ARHGAP6: variants seen among roughly 807,000 people sequenced by gnomAD.
ARHGAP6 encodes Rho GTPase activating protein 6, also known as rho GTPase-activating protein 6.
A neutral mutation model predicts 55.7 loss-of-function variants in ARHGAP6; 16 were observed. The observed-to-expected ratio is 0.29, with a 90% CI of 0.19 to 0.44. The LOEUF (loss-of-function observed/expected upper bound fraction) is 0.44. ARHGAP6 is among the 20% of genes least tolerant of loss of function. The pLI is 1.00. For synonymous variants in ARHGAP6, 382 were observed against 360.9 expected (o/e 1.06, Z -0.66); for missense variants, 698 against 808.9 (o/e 0.86, Z 1.66).
chrX:11,642,249 T>C (rs1283214847), intron 1 of ARHGAP6, among the ~76,000 whole-genome samples: 1 of 111,881 alleles, frequency 8.9e-6, no homozygotes, highest in Admixed American at 9.5e-5. Context: ...GTGCCATCAC[T>C]TAAACGTATC....
At chrX:11,395,562 A>C (rs975249485) in intron 1 of ARHGAP6, among the ~76,000 whole-genome samples, 1 of 112,246 alleles carries the variant, frequency 8.9e-6, no homozygotes, top group Admixed American at 9.4e-5. Flanking sequence ...AGAGATGCAC[A>C]CAACTGGTTC....
At chrX:11,337,834 G>A (rs764479375) in intron 1 of ARHGAP6, among the ~76,000 whole-genome samples, 10 of 112,329 alleles carry the variant, frequency 8.9e-5, no homozygotes, top group Admixed American at 2.8e-4. Flanking sequence ...GTTTATTTTG[G>A]TTCAAAGTTC....
At chrX:11,464,696 C>A (rs931967010) in intron 1 of ARHGAP6, among the ~76,000 whole-genome samples, 6 of 112,462 alleles carry the variant, frequency 5.3e-5, no homozygotes, top group African/African-American at 1.9e-4. Context: ...GTTCCTTAGA[C>A]CTACCTTTAG....
intron 1 of ARHGAP6, among the ~76,000 whole-genome samples, chrX:11,586,887 C>T (rs1371349007): frequency 9.0e-6 from 1 of 111,627 alleles, no homozygotes; most frequent in East Asian, 2.8e-4. Flanking sequence ...GATCTTTCAC[C>T]TCCTTAGTTA....
At chrX:11,322,868 A>T (rs946134995) in intron 1 of ARHGAP6, among the ~76,000 whole-genome samples, 1 of 112,485 alleles carries the variant, frequency 8.9e-6, no homozygotes, top group East Asian at 2.8e-4. Flanking sequence ...ATTCTCACCC[A>T]GAAGTTGTGA....
At chrX:11,594,090 T>C (rs1021345109) in intron 1 of ARHGAP6, among the ~76,000 whole-genome samples, 1 of 111,816 alleles carries the variant, frequency 8.9e-6, no homozygotes, top group African/African-American at 3.3e-5. Context: ...CCTTAATTAA[T>C]TTGACATGCC....
intron 2 of ARHGAP6, among the ~76,000 whole-genome samples, chrX:11,228,560 G>C (rs1440291823): frequency 8.9e-6 from 1 of 111,860 alleles, no homozygotes; most frequent in Admixed American, 9.5e-5. Context: ...AGAAAGTGGT[G>C]AAGAAAGTCA....
chrX:11,188,025 C>G (rs530403919), intron 4 of ARHGAP6, among the ~76,000 whole-genome samples: 2 of 111,023 alleles, frequency 1.8e-5, no homozygotes, highest in Non-Finnish European at 3.8e-5. Flanking sequence ...GAGCAAGACC[C>G]TGAGTCAAAA....
intron 2 of ARHGAP6, among the ~76,000 whole-genome samples, chrX:11,240,860 C>T (rs183902998): frequency 0.01 from 1,036 of 99,596 alleles, 9 homozygotes; most frequent in African/African-American, 0.036. Flanking sequence ...TCCTGGGCAA[C>T]GTGCTGAAAT....
At chrX:11,530,746 G>A (rs992345852) in intron 1 of ARHGAP6, among the ~76,000 whole-genome samples, 12 of 111,320 alleles carry the variant, frequency 1.1e-4, no homozygotes, top group African/African-American at 3.9e-4. Flanking sequence ...GCAAGAAAAC[G>A]AAATTCAAAT....
intron 1 of ARHGAP6, among the ~76,000 whole-genome samples, chrX:11,486,831 C>T (rs371671122): frequency 2.7e-5 from 3 of 111,919 alleles, no homozygotes; most frequent in African/African-American, 6.5e-5. Context: ...GCCACGTTGG[C>T]AGAAGTGGTA....
At chrX:11,480,692 C>A (rs186214293) in intron 1 of ARHGAP6, among the ~76,000 whole-genome samples, 101 of 112,053 alleles carry the variant, frequency 9.0e-4, no homozygotes, top group African/African-American at 3.2e-3. Flanking sequence ...CTTTTCCTCC[C>A]CCCAGTCTTT....
chrX:11,520,572 T>C (rs1164186277), intron 1 of ARHGAP6, among the ~76,000 whole-genome samples: 1 of 110,924 alleles, frequency 9.0e-6, no homozygotes. Flanking sequence ...TGTTGGACAT[T>C]TGGGTTGGTT....
intron 10 of ARHGAP6, among the ~76,000 whole-genome samples, chrX:11,150,900 T>G (rs902137694): frequency 1.8e-5 from 2 of 112,574 alleles, no homozygotes; most frequent in Non-Finnish European, 3.7e-5. Flanking sequence ...AATTTTGATA[T>G]TTTCTTTATC....
At chrX:11,353,959 A>T (rs2147675703) in intron 1 of ARHGAP6, among the ~76,000 whole-genome samples, 1 of 111,206 alleles carries the variant, frequency 9.0e-6, no homozygotes, top group East Asian at 2.8e-4. Context: ...GCCCAAAAAG[A>T]CAGATAAATT....
At chrX:11,250,743 A>G (rs373336999) in intron 2 of ARHGAP6, among the ~76,000 whole-genome samples, 21 of 111,367 alleles carry the variant, frequency 1.9e-4, no homozygotes, top group African/African-American at 6.9e-4. Context: ...GATTAGTTTG[A>G]GCCCACCTAG....
intron 1 of ARHGAP6, among the ~76,000 whole-genome samples, chrX:11,627,982 T>C: frequency 8.9e-6 from 1 of 112,149 alleles, no homozygotes; most frequent in Middle Eastern, 4.6e-3. Context: ...GTCAATTCAC[T>C]GCTTTTTGTC....
intron 1 of ARHGAP6, among the ~76,000 whole-genome samples, chrX:11,302,480 T>C (rs1205130172): frequency 8.9e-6 from 1 of 111,849 alleles, no homozygotes. Flanking sequence ...GGCCAAACTT[T>C]ACATACTAAA....
chrX:11,655,772 G>A (rs2052630953), intron 1 of ARHGAP6, among the ~76,000 whole-genome samples: 1 of 112,486 alleles, frequency 8.9e-6, no homozygotes, highest in Admixed American at 9.4e-5. Context: ...CAGAGAGGAT[G>A]CAGTAAATTT....
Sources: gnomAD v4.1 joint callset for allele counts (sites outside exome capture counted in the v4.1 genomes callset) on GRCh38, gnomAD v4.1.1 for gene constraint, MANE v1.5 for transcripts, NCBI Gene and HGNC (gene_info 2026-07-23, HGNC 2026-07-21) for gene names.